The following TOX2 variants were observed in gnomAD, a reference collection of about 807,000 sequenced individuals.
The protein encoded by TOX2 is granulosa cell HMG box 1.
A neutral mutation model predicts 47.4 loss-of-function variants in TOX2; 15 were observed. That is an observed-to-expected ratio of 0.32 (90% CI 0.21 to 0.49). The LOEUF (loss-of-function observed/expected upper bound fraction) is 0.49, where lower values mean the gene tolerates loss of function less well. TOX2 is among the 20% of genes least tolerant of loss of function. The pLI is 0.99. For synonymous variants in TOX2, 290 were observed against 296.6 expected (o/e 0.98, Z 0.23); for missense variants, 622 against 673.1 (o/e 0.92, Z 0.84).
intron 1 of TOX2, among the ~76,000 whole-genome samples, chr20:43,953,364 T>C (rs934751036): frequency 6.6e-6 from 1 of 152,218 alleles, no homozygotes. Flanking sequence ...CAGACAGAAC[T>C]GACCCCTTCC....
chr20:44,058,106 A>G (rs990699897), intron 5 of TOX2, among the ~76,000 whole-genome samples: 1 of 152,088 alleles, frequency 6.6e-6, no homozygotes, highest in South Asian at 2.1e-4. Flanking sequence ...AGGAAAGCCA[A>G]AAGAATCCAC....
At chr20:44,062,338 A>T (rs937252189) in intron 5 of TOX2, among the ~76,000 whole-genome samples, 1 of 151,858 alleles carries the variant, frequency 6.6e-6, no homozygotes, top group African/African-American at 2.4e-5. Flanking sequence ...GCTGAGAATC[A>T]CATCAAGAAC....
At chr20:43,991,175 G>A (rs1190643485) in intron 2 of TOX2, among the ~76,000 whole-genome samples, 1 of 152,226 alleles carries the variant, frequency 6.6e-6, no homozygotes, top group African/African-American at 2.4e-5. Flanking sequence ...AGAGGTAGGG[G>A]CTCAGATCTT....
chr20:44,061,393 TAAC>T lies in TOX2; in HGVS notation c.880-3375_880-3373del, dbSNP rs568054424. ...CTAATACCCAAACCAGGAAAGGACA[TAAC>T]AACAACAAAAAAACGAAAACTGCAG... is the stretch of plus-strand genomic sequence containing the variant. On this transcript the variant is annotated intron_variant, in intron 5 of 8. Coordinates refer to ENST00000341197, the MANE Select transcript of TOX2 (RefSeq NM_001098797.2). 1.9e-3 allele frequency among the ~76,000 whole-genome samples: 285 copies of T among 152,070 alleles called. 1 individual carries two copies. The highest frequency in any genetic ancestry group is 3.6e-3 in the Non-Finnish European group (246 of 67,928).
intron 1 of TOX2, among the ~76,000 whole-genome samples, chr20:43,918,068 G>C (rs2069077156): frequency 1.3e-5 from 2 of 152,116 alleles, no homozygotes; most frequent in South Asian, 4.1e-4. Flanking sequence ...CAGGACACTT[G>C]TTTGGCTTTT....
chr20:43,964,423 GAGC>G, intron 1 of TOX2, among the ~76,000 whole-genome samples: 1 of 152,328 alleles, frequency 6.6e-6, no homozygotes. Context: ...TCTCTCTTTA[GAGC>G]TGTGTTTTAT....
At chr20:44,048,232 TAAATA>T (rs150407294) in intron 3 of TOX2, among the ~76,000 whole-genome samples, 3,565 of 151,538 alleles carry the variant, frequency 0.024, 122 homozygotes, top group African/African-American at 0.082. Flanking sequence ...CACAAAAAAA[TAAATA>T]AAATAAATTT....
At chr20:43,991,614 C>CATTATTATTATT (rs143981680) in intron 2 of TOX2, among the ~76,000 whole-genome samples, 63 of 141,702 alleles carry the variant, frequency 4.4e-4, no homozygotes, top group African/African-American at 1.5e-3. Flanking sequence ...AGGCAATAAT[C>CATTATTATTATT]ATTATTATTA....
intron 5 of TOX2, among the ~76,000 whole-genome samples, chr20:44,062,015 C>T (rs2071726175): frequency 6.7e-6 from 1 of 150,278 alleles, no homozygotes; most frequent in African/African-American, 2.5e-5. Context: ...CCAGAGCCAA[C>T]ATTACACTGA....
intron 1 of TOX2, among the ~76,000 whole-genome samples, chr20:43,968,421 T>TA (rs1166965255): frequency 6.6e-6 from 1 of 152,142 alleles, no homozygotes; most frequent in East Asian, 1.9e-4. Flanking sequence ...TAAGTTTCCT[T>TA]AAAAAATCCT....
At chr20:44,039,059 G>C in intron 3 of TOX2, 1 of 1,274,724 alleles carries the variant, frequency 7.8e-7, no homozygotes. Flanking sequence ...CATCTCATGA[G>C]TGCCGGCTGC....
chr20:44,027,015 G>A (rs1259276720), intron 3 of TOX2, among the ~76,000 whole-genome samples: 2 of 152,202 alleles, frequency 1.3e-5, no homozygotes, highest in Non-Finnish European at 2.9e-5. Context: ...CACGGGTGAG[G>A]ATACAAAATA....
chr20:44,042,498 C>A (rs1015330018), intron 3 of TOX2, among the ~76,000 whole-genome samples: 3 of 152,172 alleles, frequency 2.0e-5, no homozygotes, highest in African/African-American at 7.2e-5. Context: ...AAAATTATGA[C>A]TGAAAAGATA....
intron 3 of TOX2, among the ~76,000 whole-genome samples, chr20:44,014,386 A>G (rs1444527334): frequency 6.6e-6 from 1 of 152,186 alleles, no homozygotes; most frequent in Non-Finnish European, 1.5e-5. Flanking sequence ...GAGTCGCATC[A>G]TATGAGGGTG....
At position 43,954,868 on chromosome 20, in the gene TOX2, C is replaced by T. The variant is rs1413466835; in HGVS notation, c.100-18499C>T. Among the ~76,000 whole-genome samples, 3 of 152,182 alleles carry T rather than the reference C, an allele frequency of 2.0e-5. No individual in the cohort carries two copies. The East Asian group carries it at 5.8e-4, about 29-fold the overall frequency. On this transcript the variant is annotated intron_variant, in intron 1 of 8. Coordinates refer to ENST00000341197, the MANE Select transcript of TOX2 (RefSeq NM_001098797.2). ...ATAGCTATGAGACCTTGCACAATTCCCTTTAACTTTCCAAGCCTCAGTTTC... is the reference window on the plus strand; with the variant it reads ...ATAGCTATGAGACCTTGCACAATTCTCTTTAACTTTCCAAGCCTCAGTTTC...
chr20:44,043,351 G>A (rs372465866), intron 3 of TOX2, among the ~76,000 whole-genome samples: 23 of 152,266 alleles, frequency 1.5e-4, no homozygotes, highest in African/African-American at 5.3e-4. Flanking sequence ...AATATTGCAG[G>A]TACAAGTTAA....
At chr20:44,017,176 G>T (rs1378338991) in intron 3 of TOX2, among the ~76,000 whole-genome samples, 1 of 152,200 alleles carries the variant, frequency 6.6e-6, no homozygotes, top group Non-Finnish European at 1.5e-5. Flanking sequence ...CTTGTCCAGG[G>T]TCACATAGCC....
chr20:44,004,233 C>T lies in TOX2; in HGVS notation c.166-2314C>T, dbSNP rs1469871592. 3.3e-5 allele frequency among the ~76,000 whole-genome samples: 5 copies of T among 152,156 alleles called. No individual in the cohort carries two copies. The East Asian group carries it at 9.6e-4, about 29-fold the overall frequency. On this transcript the variant is annotated intron_variant, in intron 2 of 8. Coordinates refer to ENST00000341197, the MANE Select transcript of TOX2 (RefSeq NM_001098797.2). ...TATGATCAACAAACGAGAACATTGA[C>T]TGGGCATCGAGAGGCTCCGCCCTGG...
chr20:43,927,293 A>G (rs1250481911), intron 1 of TOX2, among the ~76,000 whole-genome samples: 1 of 152,144 alleles, frequency 6.6e-6, no homozygotes, highest in Non-Finnish European at 1.5e-5. Context: ...AACAAAGGTG[A>G]AATTCTCTTG....
Sources: gnomAD v4.1 joint callset for allele counts (sites outside exome capture counted in the v4.1 genomes callset) on GRCh38, gnomAD v4.1.1 for gene constraint, MANE v1.5 for transcripts, NCBI Gene and HGNC (gene_info 2026-07-23, HGNC 2026-07-21) for gene names.